AP5Z1: variants seen among roughly 807,000 people sequenced by gnomAD.
The protein encoded by AP5Z1 is AP-5 complex subunit zeta-1.
A neutral mutation model predicts 83.0 loss-of-function variants in AP5Z1; 106 were observed. That is an observed-to-expected ratio of 1.28 (90% confidence interval 1.09 to 1.50). The LOEUF is 1.50. AP5Z1 is among the 40% of genes most tolerant of loss of function. The pLI, the probability that AP5Z1 is intolerant of heterozygous loss-of-function variation, is 0.00. For synonymous variants in AP5Z1, 751 were observed against 514.1 expected (o/e 1.46, Z -6.23); for missense variants, 1,565 against 1,094.2 (o/e 1.43, Z -6.07).
Position 4,788,957 on chromosome 7 carries a change from C to G in AP5Z1, c.1707+6C>G, listed in dbSNP as rs748435189. The G allele has an allele frequency of 4.4e-6, 7 of 1,608,212 alleles. 1 individual carries two copies. The highest frequency in any genetic ancestry group is 3.3e-4 in the Middle Eastern group (2 of 6,066). ...TCTTCTCAGCAGTGACCCAGGTGAG[C>G]TCGCTGCCTGGGGCCCCCCATTCCC... On this transcript the variant is annotated splice_donor_region_variant and intron_variant, in intron 13 of 16. Transcript: ENST00000649063.
At position 4,788,267 on chromosome 7, in the gene AP5Z1, G is replaced by T; in HGVS notation, c.1568G>T (p.Arg523Leu). 1 of 1,591,126 alleles carries T rather than the reference G, an allele frequency of 6.3e-7. No individual in the cohort carries two copies. Among genetic ancestry groups the T allele is most frequent in the Non-Finnish European group, 8.5e-7 (1 of 1,170,340 alleles). ...QFQGLFQYLL[R>L]PKASGATERL... is the part of the protein sequence containing the mutation. Reference sequence around the variant, plus strand: ...CAGGGTCTTTTCCAATACCTGCTGCGCCCCAAGGCCAGTGGCGCCACTGAG... The same window carrying T: ...CAGGGTCTTTTCCAATACCTGCTGCTCCCCAAGGCCAGTGGCGCCACTGAG... The change falls in exon 12 of 17, where the codon CGC becomes CTC. Residue 523 changes from arginine to leucine, a missense_variant. Coordinates refer to ENST00000649063, the MANE Select transcript of AP5Z1 (RefSeq NM_014855.3).
At chr7:4,784,489 G>C (rs945580917) in intron 6 of AP5Z1, 118 bp downstream of exon 6, 2 of 1,258,372 alleles carry the variant, frequency 1.6e-6, no homozygotes, top group South Asian at 1.5e-5. Flanking sequence ...ATGCAGCAGA[G>C]GTCAGGACTG....
intron 1 of AP5Z1, 55 bp from the exon 2 acceptor site, chr7:4,781,120 T>C: frequency 6.3e-7 from 1 of 1,586,278 alleles, no homozygotes. Context: ...GTTATCCTTT[T>C]TTTGGTTCCG....
chr7:4,781,419 G>A (rs1283205014), intron 2 of AP5Z1, 107 bp downstream of exon 2: 1 of 1,572,248 alleles, frequency 6.4e-7, no homozygotes, highest in Non-Finnish European at 8.7e-7. Flanking sequence ...TGAGTCATTT[G>A]TCCACTTAAA....
rs771938137 is a variant in AP5Z1 at position 4,786,420 on chromosome 7, C to A, written c.1303C>A (p.Leu435Ile). 1.9e-6 allele frequency: 3 copies of A among 1,613,834 alleles called. No individual in the cohort carries two copies. The highest frequency in any genetic ancestry group is 2.5e-6 in the Non-Finnish European group (3 of 1,179,864). The change falls in exon 10 of 17, where the codon CTC (leucine) becomes ATC (isoleucine). Residue 435 changes from leucine (L) to isoleucine (I), a missense_variant. Physicochemically the swap from Leu to Ile is conservative, Grantham distance 5 (BLOSUM62 2). Coordinates refer to ENST00000649063, the MANE Select transcript of AP5Z1 (RefSeq NM_014855.3). ...CACCCTCAGATTGAGCTTCCCCAACCTCTTTAAGGTATATTTGGGCATCCC... is the reference window on the plus strand; with the variant it reads ...CACCCTCAGATTGAGCTTCCCCAACATCTTTAAGGTATATTTGGGCATCCC... ...LSTLRLSFPNLFKFLAWNSPP... is the reference protein window; with the variant it reads ...LSTLRLSFPNIFKFLAWNSPP...
At chr7:4,790,305 C>T (rs962850499) in intron 14 of AP5Z1, 154 bp from the exon 15 acceptor site, 1 of 1,547,162 alleles carries the variant, frequency 6.5e-7, no homozygotes. Flanking sequence ...AGAACAGTTT[C>T]TCTGAGGCTG....
At chr7:4,788,404 C>A in intron 12 of AP5Z1, 110 bp downstream of exon 12, 2 of 1,311,290 alleles carry the variant, frequency 1.5e-6, no homozygotes, top group South Asian at 1.6e-5. Flanking sequence ...TGCTTTGTGT[C>A]CCACACAAGG....
Position 4,785,196 on chromosome 7 carries a change from C to T in AP5Z1, c.931+148C>T, listed in dbSNP as rs960966429. The T allele has an allele frequency of 1.0e-5, 14 of 1,369,204 alleles. No individual in the cohort carries two copies. The African/African-American group carries it at 1.9e-4, about 19-fold the overall frequency. The allele number at this position is 1,369,204 out of a possible 1,614,324, so 84.8% of individuals were successfully genotyped here. A position where few individuals can be genotyped will look rare whatever the true frequency, so the allele number is the denominator to read the frequency against. On this transcript the variant is annotated intron_variant, in intron 7 of 16. Transcript: ENST00000649063. ...GTTTGGAGCAGGGGCATTTTTGCTTCTGGGGTCAGCCCCAAGTGTTCTTCA... is the reference window on the plus strand; with the variant it reads ...GTTTGGAGCAGGGGCATTTTTGCTTTTGGGGTCAGCCCCAAGTGTTCTTCA...
chr7:4,792,774 G>A lies in AP5Z1; in HGVS notation c.*1389G>A, dbSNP rs930017493. On this transcript the variant is annotated 3_prime_UTR_variant, in exon 17 of 17. Coordinates refer to ENST00000649063, the MANE Select transcript of AP5Z1 (RefSeq NM_014855.3). ...TCCACGTGGAAACAGCAGCGCACGTGTACAACTGTGCATACCAAGGCGTGC... is the reference window on the plus strand; with the variant it reads ...TCCACGTGGAAACAGCAGCGCACGTATACAACTGTGCATACCAAGGCGTGC... 6.6e-6 allele frequency: 1 copy of A among 152,280 alleles called. No homozygotes were observed. Among genetic ancestry groups the A allele is most frequent in the African/African-American group, 2.4e-5 (1 of 41,470 alleles). The allele number at this position is 152,280 out of a possible 1,614,324, so 9.4% of individuals were successfully genotyped here. A position where few individuals can be genotyped will look rare whatever the true frequency, so the allele number is the denominator to read the frequency against.
chr7:4,787,890 C>G (rs900723170), intron 11 of AP5Z1, 114 bp downstream of exon 11: 107 of 1,323,862 alleles, frequency 8.1e-5, no homozygotes, highest in Middle Eastern at 2.7e-4. Flanking sequence ...TCTTCCCCCC[C>G]CAACACCTGA....
chr7:4,779,357 A>T (rs1443431321), intron 1 of AP5Z1, among the ~76,000 whole-genome samples: 3 of 145,582 alleles, frequency 2.1e-5, no homozygotes, highest in Non-Finnish European at 4.5e-5. Context: ...AACATGTTAT[A>T]TATCATAACG....
intron 12 of AP5Z1, 65 bp from the exon 13 acceptor site, chr7:4,788,775 T>TGGCCCCGGCCTGCAGTCACCA (rs1781644633): frequency 6.5e-6 from 9 of 1,394,928 alleles, no homozygotes; most frequent in Non-Finnish European, 8.7e-6. Context: ...AGTGGCGACG[T>TGGCCCCGGCCTGCAGTCACCA]GGCCCCGGCC....
At chr7:4,788,094 G>GCT in intron 11 of AP5Z1, 60 bp from the exon 12 acceptor site, 7 of 1,462,016 alleles carry the variant, frequency 4.8e-6, no homozygotes, top group Non-Finnish European at 3.6e-6. Flanking sequence ...CTCCCTGACG[G>GCT]GGGTGCCCTT....
Position 4,790,815 on chromosome 7 carries a change from C to T in AP5Z1, c.2081C>T (p.Pro694Leu), listed in dbSNP as rs1368922764. The T allele has an allele frequency of 1.2e-6, 2 of 1,609,098 alleles. No individual in the cohort carries two copies. Among genetic ancestry groups the T allele is most frequent in the African/African-American group, 1.3e-5 (1 of 74,820 alleles). Residue 694 changes from proline to leucine, a missense_variant, in exon 16 of 17, where the codon CCC becomes CTC. Pro to Leu is a moderately conservative substitution (Grantham distance 98, BLOSUM62 -3). Transcript: ENST00000649063. ...CRPSAALPRC[P>L]PQVVTVLMTT... is the part of the protein sequence containing the mutation. ...CCCTCTGCTGCCCTGCCCAGGTGTC[C>T]CCCCCAGGTGGTCACCGTGCTGATG...
intron 13 of AP5Z1, 57 bp downstream of exon 13, chr7:4,789,008 C>T (rs1781655062): frequency 2.7e-6 from 4 of 1,461,206 alleles, no homozygotes; most frequent in Admixed American, 1.9e-5. Context: ...GAGGGGCAGG[C>T]CAGAGCCAGC....
rs1346180789 is a variant in AP5Z1 at position 4,781,242 on chromosome 7, T to A, written c.109T>A (p.Leu37Met). 2 of 1,613,734 alleles carry A rather than the reference T, an allele frequency of 1.2e-6. No homozygotes were observed. ...CTGTAAACTGCTGCAGGCGGAGGAC[T>A]TGGGGCCGGACACCCTCGACTCCCT... The part of the protein sequence containing the change: ...RICKLLQAED[L>M]GPDTLDSLQR... The change falls in exon 2 of 17, where the codon TTG (leucine) becomes ATG (methionine). Residue 37 changes from leucine to methionine, a missense_variant. By Grantham distance (15) the Leu-to-Met change is conservative. Transcript: ENST00000649063.
At position 4,791,729 on chromosome 7, in the gene AP5Z1, G is replaced by A. The variant is rs1427281079; in HGVS notation, c.*344G>A. Reference sequence around the variant, plus strand: ...GGACAGTTGATGGGCAAGAAGAGCTGCAGTAAAAGTAAATCTCCTTTAATA... The same window carrying A: ...GGACAGTTGATGGGCAAGAAGAGCTACAGTAAAAGTAAATCTCCTTTAATA... On this transcript the variant is annotated 3_prime_UTR_variant, in exon 17 of 17. Coordinates refer to ENST00000649063, the MANE Select transcript of AP5Z1 (RefSeq NM_014855.3). 2.1e-5 allele frequency: 8 copies of A among 372,532 alleles called. No homozygotes were observed. The highest frequency in any genetic ancestry group is 6.1e-5 in the African/African-American group (3 of 48,872). The allele number at this position is 372,532 out of a possible 1,614,324, so 23.1% of individuals were successfully genotyped here. A position where few individuals can be genotyped will look rare whatever the true frequency, so the allele number is the denominator to read the frequency against.
chr7:4,777,744 C>T (rs529301161), intron 1 of AP5Z1, among the ~76,000 whole-genome samples: 6 of 152,156 alleles, frequency 3.9e-5, no homozygotes, highest in East Asian at 1.9e-4. Context: ...GGTGGGCAGC[C>T]GTTTTTGAGG....
rs781388706 is a variant in AP5Z1 at position 4,784,306 on chromosome 7, C to T, written c.725C>T (p.Ala242Val). Residue 242 changes from alanine (A) to valine (V), a missense_variant, in exon 6 of 17, where the codon GCC becomes GTC. Transcript: ENST00000649063. The part of the protein sequence containing the change: ...FTDDQWLNVQ[A>V]FSMLRAWLLH... ...GACGACCAGTGGCTGAACGTGCAGG[C>T]CTTCTCTATGCTGCGGGCGTGGCTG... The T allele has an allele frequency of 1.3e-5, 21 of 1,602,458 alleles. No homozygotes were observed. The highest frequency in any genetic ancestry group is 1.1e-4 in the East Asian group (5 of 44,410).
Sources: allele counts gnomAD v4.1 joint callset (sites outside exome capture counted in the v4.1 genomes callset), GRCh38; gene constraint gnomAD v4.1.1; transcripts MANE v1.5; gene names NCBI Gene and HGNC (gene_info 2026-07-23, HGNC 2026-07-21).